Variants in PACS1 observed in about 807,000 individuals in gnomAD.
The protein encoded by PACS1 is phosphofurin acidic cluster sorting protein 1.
PACS1 carries 24 observed loss-of-function variants against 115.0 expected under a neutral mutation model. The ratio of observed to expected loss-of-function variants is 0.21; its 90% confidence interval spans 0.15 to 0.29. The LOEUF (loss-of-function observed/expected upper bound fraction) is 0.29. Ranked by LOEUF, PACS1 falls within the 10% of genes least tolerant of loss-of-function variation. The pLI, the probability that PACS1 is intolerant of heterozygous loss-of-function variation, is 1.00. For synonymous variants in PACS1, 453 were observed against 504.5 expected (o/e 0.90, Z 1.37); for missense variants, 838 against 1,251.2 (o/e 0.67, Z 4.98).
intron 1 of PACS1, among the ~76,000 whole-genome samples, chr11:66,129,455 ATATTATTATTAT>A (rs71455707): frequency 2.9e-4 from 41 of 140,388 alleles, no homozygotes; most frequent in East Asian, 2.0e-3. Flanking sequence ...GGTTTAAAAA[ATATTATTATTAT>A]TATTATTATT....
rs71036281 is a variant in PACS1, at chr11:66,224,195, C to CAAAAA, written c.1293+2965_1293+2969dup. Among the ~76,000 whole-genome samples the CAAAAA allele has an allele frequency of 2.1e-4, 17 of 81,296 alleles. 2 individuals are homozygous for CAAAAA. Among genetic ancestry groups the CAAAAA allele is most frequent in the African/African-American group, 5.7e-4 (11 of 19,296 alleles). The allele number at this position is 81,296 out of a possible 152,430, so 53.3% of individuals were successfully genotyped here. A position where few individuals can be genotyped will look rare whatever the true frequency, so the allele number is the denominator to read the frequency against. On this transcript the variant is annotated intron_variant, in intron 10 of 23. Coordinates refer to ENST00000320580, the MANE Select transcript of PACS1 (RefSeq NM_018026.4). ...TGGGTAACAGAGCAAGACTCCATCT[C>CAAAAA]AAAAAAAAAAAAAAAAAAAAAGCCA...
In PACS1 at chr11:66,070,780, G is replaced by C. The variant is rs1248720683; in HGVS notation, c.294G>C (p.Pro98=). 25 of 1,528,344 alleles carry C rather than the reference G, an allele frequency of 1.6e-5. No individual in the cohort carries two copies. The highest frequency in any genetic ancestry group is 1.9e-5 in the Non-Finnish European group (22 of 1,144,648). 94.7% of individuals were successfully genotyped at this position (1,528,344 alleles called of 1,614,324 possible). A position where few individuals can be genotyped will look rare whatever the true frequency, so the allele number is the denominator to read the frequency against. The change falls in exon 1 of 24, where the codon CCG becomes CCC. Residue 98 remains proline, a synonymous_variant. Transcript: ENST00000320580. The surrounding 1 kb of genome is among the most constrained non-coding windows in gnomAD (Gnocchi z 5.9). Reference sequence around the variant, plus strand: ...CGGGGCCAGGCCGCACCCCCGCCCCGGTGCAGATGAACCTGTACGCCACCT... The same window carrying C: ...CGGGGCCAGGCCGCACCCCCGCCCCCGTGCAGATGAACCTGTACGCCACCT... The part of the protein sequence containing the change: ...GGPGPGRTPA[P]VQMNLYATWE...
rs903627127 is a variant in PACS1 at position 66,216,935 on chromosome 11, T to C, written c.978+160T>C. ...CTCTATATCCTCACCACCGCCCAATTAGACTCACTGTTGTTGGGAACCACA... is the reference window on the plus strand; with the variant it reads ...CTCTATATCCTCACCACCGCCCAATCAGACTCACTGTTGTTGGGAACCACA... On this transcript the variant is annotated intron_variant, in intron 7 of 23. Transcript: ENST00000320580. The C allele has an allele frequency of 4.9e-6, 3 of 615,640 alleles. No individual in the cohort carries two copies. In the African/African-American group the frequency reaches 5.6e-5, roughly 11 times the overall value. The allele number at this position is 615,640 out of a possible 1,614,324, so 38.1% of individuals were successfully genotyped here.
intron 1 of PACS1, among the ~76,000 whole-genome samples, chr11:66,089,248 A>G (rs1857618955): frequency 6.6e-6 from 1 of 152,194 alleles, no homozygotes; most frequent in Non-Finnish European, 1.5e-5. Flanking sequence ...TGACAACCCC[A>G]GAGACATTAC....
chr11:66,187,013 C>G (rs564426872), intron 1 of PACS1, among the ~76,000 whole-genome samples: 1 of 152,296 alleles, frequency 6.6e-6, no homozygotes, highest in Non-Finnish European at 1.5e-5. Context: ...TTGGGTCTGG[C>G]TCTTCCGGCT....
chr11:66,085,656 CA>C (rs1459399537), intron 1 of PACS1, among the ~76,000 whole-genome samples: 2 of 152,170 alleles, frequency 1.3e-5, no homozygotes, highest in Non-Finnish European at 2.9e-5. Context: ...CAGTTCTTAA[CA>C]ATAGACTGAT....
intron 1 of PACS1, among the ~76,000 whole-genome samples, chr11:66,077,419 G>C (rs144025735): frequency 0.017 from 2,622 of 152,234 alleles, 72 homozygotes; most frequent in African/African-American, 0.06. Context: ...AAATTAGCCA[G>C]GTGTGGTGGC....
At chr11:66,132,335 C>G (rs1272702768) in intron 1 of PACS1, among the ~76,000 whole-genome samples, 1 of 152,112 alleles carries the variant, frequency 6.6e-6, no homozygotes, top group Non-Finnish European at 1.5e-5. Flanking sequence ...CTGAGGCCTC[C>G]CCTACCTTGT....
chr11:66,103,276 A>AACAGTGGGGTGTCAATTATATGT (rs1857962236), intron 1 of PACS1, among the ~76,000 whole-genome samples: 1 of 152,126 alleles, frequency 6.6e-6, no homozygotes, highest in Non-Finnish European at 1.5e-5. Context: ...AGATAAGTTC[A>AACAGTGGGGTGTCAATTATATGT]ACAGTGGGGT....
chr11:66,155,560 AC>A (rs1859331232), intron 1 of PACS1, among the ~76,000 whole-genome samples: 1 of 152,182 alleles, frequency 6.6e-6, no homozygotes, highest in African/African-American at 2.4e-5. Context: ...TTTACCCTCT[AC>A]GTATGGCTAA....
At chr11:66,090,271 C>CTTTTTTTTTTTTTTTTTTTTTT (rs930565654) in intron 1 of PACS1, among the ~76,000 whole-genome samples, 1 of 109,442 alleles carries the variant, frequency 9.1e-6, no homozygotes, top group Non-Finnish European at 1.8e-5. Flanking sequence ...TCTTTCCTTT[C>CTTTTTTTTTTTTTTTTTTTTTT]TTTTTTTTTT....
intron 1 of PACS1, among the ~76,000 whole-genome samples, chr11:66,173,295 T>G (rs1201961139): frequency 6.6e-6 from 1 of 152,202 alleles, no homozygotes; most frequent in African/African-American, 2.4e-5. Flanking sequence ...TATACAATTC[T>G]GTATTCACAA....
intron 1 of PACS1, among the ~76,000 whole-genome samples, chr11:66,167,852 T>C (rs1859643577): frequency 6.6e-6 from 1 of 150,412 alleles, no homozygotes; most frequent in Non-Finnish European, 1.5e-5. Flanking sequence ...TTGATCTTTT[T>C]GTTGTTCCTT....
chr11:66,185,925 C>T (rs1387733436), intron 1 of PACS1, among the ~76,000 whole-genome samples: 1 of 152,058 alleles, frequency 6.6e-6, no homozygotes, highest in Non-Finnish European at 1.5e-5. Flanking sequence ...CACCTGCATA[C>T]ACAACAGAAA....
intron 1 of PACS1, among the ~76,000 whole-genome samples, chr11:66,083,223 C>A (rs1288360596): frequency 6.6e-6 from 1 of 152,086 alleles, no homozygotes; most frequent in Non-Finnish European, 1.5e-5. Flanking sequence ...ATAAAAACTC[C>A]TGTGGCTATT....
Sources: gnomAD v4.1 joint callset for allele counts (sites outside exome capture counted in the v4.1 genomes callset) on GRCh38, gnomAD v4.1.1 for gene constraint, Gnocchi (gnomAD v3.1) non-coding constraint, MANE v1.5 for transcripts, NCBI Gene and HGNC (gene_info 2026-07-23, HGNC 2026-07-21) for gene names.